The following THSD4 variants were observed in gnomAD, a reference collection of about 807,000 sequenced individuals.
THSD4 encodes thrombospondin type-1 domain-containing protein 4.
In THSD4, 69 loss-of-function variants were observed where a neutral mutation model predicts 119.0. The observed-to-expected ratio is 0.58, with a 90% CI of 0.48 to 0.71. The LOEUF (loss-of-function observed/expected upper bound fraction) is 0.71, where lower values mean the gene tolerates loss of function less well. Ranked by LOEUF, THSD4 falls within the 30% of genes least tolerant of loss-of-function variation. THSD4 has a pLI of 0.00. For synonymous variants in THSD4, 524 were observed against 540.4 expected (o/e 0.97, Z 0.42); for missense variants, 1,393 against 1,391.1 (o/e 1.00, Z -0.02).
intron 7 of THSD4, among the ~76,000 whole-genome samples, chr15:71,529,283 C>T (rs1274789316): frequency 1.3e-5 from 2 of 150,276 alleles, no homozygotes; most frequent in Admixed American, 6.7e-5. Context: ...CAAGGTTCAT[C>T]TGTTATAGCA....
At chr15:71,603,226 C>T (rs886758896) in intron 7 of THSD4, among the ~76,000 whole-genome samples, 3 of 152,134 alleles carry the variant, frequency 2.0e-5, no homozygotes, top group Admixed American at 6.5e-5. Context: ...GGAACACAGA[C>T]ACATTGAAGG....
intron 6 of THSD4, among the ~76,000 whole-genome samples, chr15:71,299,390 G>A (rs2044913406): frequency 1.3e-5 from 2 of 152,186 alleles, no homozygotes; most frequent in Non-Finnish European, 2.9e-5. Flanking sequence ...AGGCTGCATT[G>A]AGCAAAAGAA....
intron 3 of THSD4, among the ~76,000 whole-genome samples, chr15:71,188,484 T>C (rs1394150493): frequency 6.6e-6 from 1 of 152,070 alleles, no homozygotes; most frequent in African/African-American, 2.4e-5. Flanking sequence ...ATAGAGATAC[T>C]GGTGTGAAAT....
chr15:71,400,181 C>T (rs1160588092), intron 6 of THSD4, among the ~76,000 whole-genome samples: 1 of 152,138 alleles, frequency 6.6e-6, no homozygotes, highest in East Asian at 1.9e-4. Context: ...TCAGTATTAA[C>T]TTCTAAAGTT....
intron 2 of THSD4, among the ~76,000 whole-genome samples, chr15:71,145,729 T>A (rs927406378): frequency 3.9e-5 from 6 of 152,198 alleles, no homozygotes; most frequent in Middle Eastern, 3.2e-3. Context: ...AAACTGAAAT[T>A]TCCCTTGGGG....
At chr15:71,519,706 A>C (rs761419352) in intron 7 of THSD4, among the ~76,000 whole-genome samples, 1 of 152,230 alleles carries the variant, frequency 6.6e-6, no homozygotes, top group Non-Finnish European at 1.5e-5. Flanking sequence ...TGTATGGAAC[A>C]GAGTGTACAG....
rs139195659 is a variant in THSD4, at chr15:71,753,801, C to T, written c.2416-4101C>T. Reference sequence around the variant, plus strand: ...GAGTGGGGAGCTCCTTTCATGTTTACACTTGTTGGGCTTTTCACTGAAGGT... The same window carrying T: ...GAGTGGGGAGCTCCTTTCATGTTTATACTTGTTGGGCTTTTCACTGAAGGT... On this transcript the variant is annotated intron_variant, in intron 14 of 17. Transcript: ENST00000261862. Among the ~76,000 whole-genome samples, 183 of 152,312 alleles carry T rather than the reference C, an allele frequency of 1.2e-3. 3 individuals carry two copies. The East Asian group carries it at 0.031, about 26-fold the overall frequency.
At chr15:71,414,710 A>G (rs2046736018) in intron 7 of THSD4, among the ~76,000 whole-genome samples, 1 of 152,222 alleles carries the variant, frequency 6.6e-6, no homozygotes, top group South Asian at 2.1e-4. Context: ...GGACATGGGT[A>G]TGGATTCTTA....
chr15:71,378,764 G>C (rs1248699723), intron 6 of THSD4, among the ~76,000 whole-genome samples: 1 of 152,138 alleles, frequency 6.6e-6, no homozygotes, highest in Non-Finnish European at 1.5e-5. Context: ...GTATAAGAAG[G>C]TAATGTTGTT....
chr15:71,325,440 G>GC, intron 6 of THSD4, among the ~76,000 whole-genome samples: 1 of 152,308 alleles, frequency 6.6e-6, no homozygotes, highest in South Asian at 2.1e-4. Flanking sequence ...GATTTTGTCT[G>GC]CATGTATGTA....
intron 1 of THSD4, among the ~76,000 whole-genome samples, chr15:71,133,781 C>T (rs1435250432): frequency 1.3e-5 from 2 of 152,108 alleles, no homozygotes; most frequent in Non-Finnish European, 2.9e-5. Flanking sequence ...TATTTCTGCC[C>T]TTGAATATTT....
chr15:71,742,660 T>C (rs1268868405), intron 11 of THSD4, among the ~76,000 whole-genome samples: 1 of 152,190 alleles, frequency 6.6e-6, no homozygotes, highest in Non-Finnish European at 1.5e-5. Flanking sequence ...ATAATTGAAT[T>C]GCAATCTTGA....
At chr15:71,685,555 T>G (rs2051890388) in intron 8 of THSD4, among the ~76,000 whole-genome samples, 1 of 152,164 alleles carries the variant, frequency 6.6e-6, no homozygotes, top group African/African-American at 2.4e-5. Context: ...TCTTTTAATG[T>G]CTGGCCTAAT....
chr15:71,776,592 A>G lies in THSD4; in HGVS notation c.2915-640A>G, dbSNP rs567691783. ...ACAGTTATACCGACTTTGGAGAGCAAACTGACTGTATCTAGCAAAGTTGGA... is the reference window on the plus strand; with the variant it reads ...ACAGTTATACCGACTTTGGAGAGCAGACTGACTGTATCTAGCAAAGTTGGA... On this transcript the variant is annotated intron_variant, in intron 17 of 17. Coordinates refer to ENST00000261862, the MANE Select transcript of THSD4 (RefSeq NM_024817.3). Among the ~76,000 whole-genome samples, 20 of 152,308 alleles carry G rather than the reference A, an allele frequency of 1.3e-4. No homozygotes were observed. In the East Asian group the frequency reaches 3.7e-3, roughly 28 times the overall value.
At chr15:71,345,010 G>A (rs902840427) in intron 6 of THSD4, among the ~76,000 whole-genome samples, 3 of 152,106 alleles carry the variant, frequency 2.0e-5, no homozygotes. Flanking sequence ...GTGGGTTAGA[G>A]GGGGCGAAAG....
At position 71,227,483 on chromosome 15, in the gene THSD4, T is replaced by C. The variant is rs137920492; in HGVS notation, c.464+12084T>C. On this transcript the variant is annotated intron_variant, in intron 4 of 17. Transcript: ENST00000261862. ...ATGGGAGGAAGGAATTTCCCGCATG[T>C]GGGGGTTGCTATCGTTTCCTTTGCT... Among the ~76,000 whole-genome samples the C allele has an allele frequency of 2.3e-3, 352 of 152,326 alleles. 4 individuals carry two copies. Among genetic ancestry groups the C allele is most frequent in the African/African-American group, 7.9e-3 (327 of 41,586 alleles).
At chr15:71,432,682 G>T (rs1461562106) in intron 7 of THSD4, among the ~76,000 whole-genome samples, 1 of 151,906 alleles carries the variant, frequency 6.6e-6, no homozygotes, top group Non-Finnish European at 1.5e-5. Context: ...AACCTATCCT[G>T]TATAGTCAGC....
At chr15:71,160,845 G>A (rs1199490660) in intron 3 of THSD4, among the ~76,000 whole-genome samples, 1 of 150,540 alleles carries the variant, frequency 6.6e-6, no homozygotes, top group Non-Finnish European at 1.5e-5. Context: ...AGCAATTTTG[G>A]GTTTAGTTTG....
intron 11 of THSD4, among the ~76,000 whole-genome samples, chr15:71,740,722 T>C (rs370239024): frequency 5.3e-5 from 8 of 152,334 alleles, no homozygotes; most frequent in African/African-American, 1.9e-4. Flanking sequence ...AGCAAGGTTT[T>C]GATAGACTGA....
Sources: allele counts gnomAD v4.1 joint callset (sites outside exome capture counted in the v4.1 genomes callset), GRCh38; gene constraint gnomAD v4.1.1; transcripts MANE v1.5; gene names NCBI Gene and HGNC (gene_info 2026-07-23, HGNC 2026-07-21).